Variants in LURAP1L observed in about 807,000 individuals in gnomAD.
LURAP1L encodes leucine rich adaptor protein 1 like, also known as leucine rich adaptor protein 1-like.
In LURAP1L, 12 loss-of-function variants were observed where a neutral mutation model predicts 13.8. That is an observed-to-expected ratio of 0.87 (90% CI 0.56 to 1.41). The LOEUF (loss-of-function observed/expected upper bound fraction) is 1.41. Among genes scored for constraint, LURAP1L ranks in the 40% most tolerant of loss-of-function variants. LURAP1L has a pLI of 0.00. For synonymous variants in LURAP1L, 139 were observed against 119.2 expected, an observed-to-expected ratio of 1.17 and a Z score of -1.08; for missense variants, 375 against 292.9, an observed-to-expected ratio of 1.28 and a Z score of -2.04.
chr9:12,799,182 C>G (rs1417898583), intron 1 of LURAP1L, among the ~76,000 whole-genome samples: 6 of 152,158 alleles, frequency 3.9e-5, no homozygotes, highest in Non-Finnish European at 8.8e-5. Context: ...TTGGCCAAGT[C>G]ATCAAGCTTG....
At chr9:12,793,739 T>C (rs556486086) in intron 1 of LURAP1L, among the ~76,000 whole-genome samples, 1 of 152,222 alleles carries the variant, frequency 6.6e-6, no homozygotes, top group South Asian at 2.1e-4. Flanking sequence ...CATCTAGTCA[T>C]AGTACAAAGA....
At chr9:12,797,015 A>G (rs1424877187) in intron 1 of LURAP1L, among the ~76,000 whole-genome samples, 2 of 152,000 alleles carry the variant, frequency 1.3e-5, no homozygotes, top group Non-Finnish European at 2.9e-5. Flanking sequence ...TGTTTATGCT[A>G]TTATTATCAC....
intron 1 of LURAP1L, among the ~76,000 whole-genome samples, chr9:12,791,712 ACAC>A (rs1819443672): frequency 6.7e-6 from 1 of 149,242 alleles, no homozygotes; most frequent in Non-Finnish European, 1.5e-5. Flanking sequence ...ACACACACAC[ACAC>A]TTTTTCTTAA....
chr9:12,793,548 A>C (rs1243668476), intron 1 of LURAP1L, among the ~76,000 whole-genome samples: 1 of 152,008 alleles, frequency 6.6e-6, no homozygotes, highest in African/African-American at 2.4e-5. Context: ...TACAAGTGGG[A>C]TTATAAGAGA....
At chr9:12,777,795 T>C (rs10809840) in intron 1 of LURAP1L, among the ~76,000 whole-genome samples, 129,223 of 152,184 alleles carry the variant, frequency 0.85, 55,050 homozygotes, top group Non-Finnish European at 0.88. Flanking sequence ...CACAACCATG[T>C]TGTCCTGTAG....
chr9:12,806,080 G>A (rs976458920), intron 1 of LURAP1L, among the ~76,000 whole-genome samples: 5 of 152,170 alleles, frequency 3.3e-5, no homozygotes, highest in Admixed American at 6.5e-5. Flanking sequence ...GCTCTAGCAG[G>A]TGAACACACT....
At chr9:12,808,842 T>C (rs76061477) in intron 1 of LURAP1L, among the ~76,000 whole-genome samples, 4,032 of 152,206 alleles carry the variant, frequency 0.026, 174 homozygotes, top group African/African-American at 0.092. Context: ...AGTATTCCCA[T>C]TATACATGTG....
At chr9:12,820,434 C>A (rs568016217) in intron 1 of LURAP1L, among the ~76,000 whole-genome samples, 1 of 135,988 alleles carries the variant, frequency 7.4e-6, no homozygotes, top group South Asian at 2.6e-4. Context: ...ACTCAGGAGG[C>A]GGAGCTTGCA....
intron 1 of LURAP1L, among the ~76,000 whole-genome samples, chr9:12,801,333 G>A (rs1586882456): frequency 6.6e-6 from 1 of 151,464 alleles, no homozygotes. Context: ...GATGGCTAAA[G>A]CTGTTAAGAA....
chr9:12,804,670 T>C (rs111311582), intron 1 of LURAP1L, among the ~76,000 whole-genome samples: 1 of 151,894 alleles, frequency 6.6e-6, no homozygotes, highest in East Asian at 1.9e-4. Flanking sequence ...ATCAAAAAAA[T>C]TTTTTTTTAA....
intron 1 of LURAP1L, among the ~76,000 whole-genome samples, chr9:12,817,945 G>A (rs946053902): frequency 6.6e-6 from 1 of 152,106 alleles, no homozygotes; most frequent in African/African-American, 2.4e-5. Flanking sequence ...ACCTGCCAGC[G>A]TGTGAACTGA....
intron 1 of LURAP1L, among the ~76,000 whole-genome samples, chr9:12,794,983 G>A (rs1010445083): frequency 6.6e-6 from 1 of 151,876 alleles, no homozygotes; most frequent in Non-Finnish European, 1.5e-5. Flanking sequence ...CCATGGTATA[G>A]AAAACTCTTG....
At chr9:12,790,926 G>T (rs1370817882) in intron 1 of LURAP1L, among the ~76,000 whole-genome samples, 1 of 152,104 alleles carries the variant, frequency 6.6e-6, no homozygotes, top group Non-Finnish European at 1.5e-5. Flanking sequence ...TAAAGTCTGT[G>T]TGGTTTTAAC....
At position 12,813,129 on chromosome 9, in the gene LURAP1L, G is replaced by A. The variant is rs1046184284; in HGVS notation, c.313-8257G>A. On this transcript the variant is annotated intron_variant, in intron 1 of 1. Coordinates refer to ENST00000319264, the MANE Select transcript of LURAP1L (RefSeq NM_203403.2). ...ATCAATTAAGTAAAGCCTTCATTCC[G>A]TACCTCCTCAATGGTACACTGAAGC... Among the ~76,000 whole-genome samples the A allele has an allele frequency of 3.3e-5, 5 of 152,166 alleles. No individual in the cohort carries two copies. In the East Asian group the frequency reaches 5.8e-4, roughly 18 times the overall value.
chr9:12,795,685 A>G (rs1819502817), intron 1 of LURAP1L, among the ~76,000 whole-genome samples: 1 of 152,040 alleles, frequency 6.6e-6, no homozygotes, highest in Non-Finnish European at 1.5e-5. Flanking sequence ...CAACACGACC[A>G]CTTGTAGTTG....
In LURAP1L at chr9:12,776,008, A is replaced by G. The variant is rs771725447; in HGVS notation, c.293A>G (p.His98Arg). Residue 98 changes from histidine to arginine, a missense_variant, in exon 1 of 2, where the codon CAC (histidine) becomes CGC (arginine). By Grantham distance (29) the His-to-Arg change is conservative. Coordinates refer to ENST00000319264, the MANE Select transcript of LURAP1L (RefSeq NM_203403.2). Reference protein sequence around the residue: ...SALERLETKLHLLRQEMVNLR... With the variant: ...SALERLETKLRLLRQEMVNLR... ...CTGGAGAGGCTAGAAACCAAGCTTC[A>G]CCTCCTCAGGCAAGAGATGGTGAGT... 2 of 1,611,668 alleles carry G rather than the reference A, an allele frequency of 1.2e-6. No homozygotes were observed. The highest frequency in any genetic ancestry group is 1.7e-6 in the Non-Finnish European group (2 of 1,179,312).
chr9:12,813,021 C>T lies in LURAP1L; in HGVS notation c.313-8365C>T, dbSNP rs186149981. On this transcript the variant is annotated intron_variant, in intron 1 of 1. Transcript: ENST00000319264. ...TTATTCAATGGAAAAGATAAGATTA[C>T]CTTCAGATTTTAATTACGTCTAGAA... Among the ~76,000 whole-genome samples the T allele has an allele frequency of 2.6e-4, 39 of 152,152 alleles. 1 individual carries two copies. The East Asian group carries it at 5.0e-3, about 20-fold the overall frequency.
chr9:12,802,291 A>G (rs1383332563), intron 1 of LURAP1L, among the ~76,000 whole-genome samples: 1 of 152,086 alleles, frequency 6.6e-6, no homozygotes, highest in Non-Finnish European at 1.5e-5. Context: ...CATGTTCTGT[A>G]TTCATCCCCA....
intron 1 of LURAP1L, among the ~76,000 whole-genome samples, chr9:12,811,832 G>A (rs1175345817): frequency 6.6e-6 from 1 of 152,204 alleles, no homozygotes; most frequent in Non-Finnish European, 1.5e-5. Context: ...CACAGATCAA[G>A]TGAAGGCCCC....
Sources: allele counts gnomAD v4.1 joint callset (sites outside exome capture counted in the v4.1 genomes callset), GRCh38; gene constraint gnomAD v4.1.1; transcripts MANE v1.5; gene names NCBI Gene and HGNC (gene_info 2026-07-23, HGNC 2026-07-21).